Variants in DNM1 observed in about 807,000 individuals in gnomAD.
The protein encoded by DNM1 is dynamin 1, also known as dynamin-1.
Under a neutral mutation model 104.6 loss-of-function variants are expected in DNM1, and 29 were observed. The ratio of observed to expected loss-of-function variants is 0.28; its 90% CI spans 0.21 to 0.38. DNM1 has a LOEUF of 0.38. DNM1 is among the 10% of genes least tolerant of loss of function. DNM1 has a pLI of 1.00. For synonymous variants in DNM1, 445 were observed against 475.8 expected, an observed-to-expected ratio of 0.94 and a Z score of 0.84; for missense variants, 640 against 1,189.4, an observed-to-expected ratio of 0.54 and a Z score of 6.79.
At chr9:128,239,245 A>G (rs1022478602) in intron 11 of DNM1, among the ~76,000 whole-genome samples, 200 bp from the exon 12 acceptor site, 1 of 151,510 alleles carries the variant, frequency 6.6e-6, no homozygotes, top group East Asian at 1.9e-4. Flanking sequence ...CAATCCTCCC[A>G]CTTCCACCTC....
chr9:128,246,635 C>T, intron 16 of DNM1, 132 bp downstream of exon 16: 1 of 647,648 alleles, frequency 1.5e-6, no homozygotes, highest in Non-Finnish European at 2.8e-6. Flanking sequence ...CTGACAGATG[C>T]TTATTGAGTT....
chr9:128,210,272 C>T (rs1005608729), intron 1 of DNM1, among the ~76,000 whole-genome samples: 2 of 151,830 alleles, frequency 1.3e-5, no homozygotes, highest in Admixed American at 1.3e-4. Flanking sequence ...CCAGGGTGGC[C>T]TCAAACTCCT....
Position 128,224,237 on chromosome 9 carries a change from C to T in DNM1, c.1197-14C>T, listed in dbSNP as rs375876300. 79 of 1,611,844 alleles carry T rather than the reference C, an allele frequency of 4.9e-5. 1 individual carries two copies. The highest frequency in any genetic ancestry group is 6.4e-5 in the Non-Finnish European group (76 of 1,178,922). On this transcript the variant is annotated splice_polypyrimidine_tract_variant and intron_variant, in intron 9 of 21. Coordinates refer to ENST00000372923, the MANE Select transcript of DNM1 (RefSeq NM_004408.4). The surrounding 1 kb of genome is among the most constrained non-coding windows in gnomAD (Gnocchi z 4.3). Reference sequence around the variant, plus strand: ...CCTGTGACACTCTGCCCTTCTCCCGCTCCGGGCGTTCAGAACGGGGCTGTT... The same window carrying T: ...CCTGTGACACTCTGCCCTTCTCCCGTTCCGGGCGTTCAGAACGGGGCTGTT...
intron 10 of DNM1, chr9:128,226,001 C>G (rs1172437100): frequency 6.2e-7 from 1 of 1,608,866 alleles, no homozygotes; most frequent in East Asian, 2.2e-5. Flanking sequence ...CACGGCTGCT[C>G]CTCCTCCTGT....
intron 10 of DNM1, chr9:128,226,028 G>C: frequency 6.2e-7 from 1 of 1,612,222 alleles, no homozygotes; most frequent in East Asian, 2.2e-5. Context: ...CTCCTCCCCG[G>C]GTGCAGGACG....
At chr9:128,232,205 C>T (rs1008919073) in intron 10 of DNM1, 1 of 377,088 alleles carries the variant, frequency 2.7e-6, no homozygotes, top group Non-Finnish European at 5.3e-6. Context: ...CAAACTCTAC[C>T]CTGGGAGGGA....
rs1394121511 is a variant in DNM1, at chr9:128,220,922, TTTCTTTC to T, written c.849+584_849+590del. Among the ~76,000 whole-genome samples the T allele has an allele frequency of 6.9e-5, 10 of 145,668 alleles. No homozygotes were observed. Among genetic ancestry groups the T allele is most frequent in the South Asian group, 2.2e-4 (1 of 4,620 alleles). On this transcript the variant is annotated intron_variant, in intron 6 of 21. Transcript: ENST00000372923. The surrounding 1 kb of genome is among the most constrained non-coding windows in gnomAD (Gnocchi z 5.2). ...CTTTCTTTCTTTCTTTCTTTCTTTCTTTCTTTCTTTCTTTTCTTTTCTTTCTTTCTTT... is the reference window on the plus strand; with the variant it reads ...CTTTCTTTCTTTCTTTCTTTCTTTCTTTTCTTTTCTTTTCTTTCTTTCTTT...
At chr9:128,206,673 C>A (rs186226071) in intron 1 of DNM1, among the ~76,000 whole-genome samples, 4 of 151,922 alleles carry the variant, frequency 2.6e-5, no homozygotes, top group African/African-American at 9.7e-5. Context: ...GCAAAGGCCC[C>A]GGGGTAGCAA....
chr9:128,235,473 A>C (rs890911273), intron 11 of DNM1, among the ~76,000 whole-genome samples: 3 of 151,950 alleles, frequency 2.0e-5, no homozygotes, highest in African/African-American at 7.3e-5. Flanking sequence ...CAGCCTGGGC[A>C]ACAGAGTGAG....
At chr9:128,234,164 GCCTTCCACT>G (rs1340135778) in intron 11 of DNM1, 57 bp downstream of exon 11, 44 of 1,399,854 alleles carry the variant, frequency 3.1e-5, no homozygotes, top group Non-Finnish European at 4.0e-5. Flanking sequence ...GGCCGCCTGC[GCCTTCCACT>G]CCTGGCCCTG....
At chr9:128,230,456 A>AT (rs571899226) in intron 10 of DNM1, among the ~76,000 whole-genome samples, 6,706 of 140,934 alleles carry the variant, frequency 0.048, 481 homozygotes, top group African/African-American at 0.17. Context: ...TATTATTACT[A>AT]TTTTTTTTTT....
chr9:128,238,118 A>C (rs1443549451), intron 11 of DNM1, among the ~76,000 whole-genome samples: 1 of 151,990 alleles, frequency 6.6e-6, no homozygotes, highest in South Asian at 2.1e-4. Context: ...TTGCCCTCAG[A>C]GAAGGTGATA....
chr9:128,224,464 G>A lies in DNM1; in HGVS notation c.1335+75G>A. 6.9e-7 allele frequency: 1 copy of A among 1,453,492 alleles called. No homozygotes were observed. The highest frequency in any genetic ancestry group is 9.4e-7 in the Non-Finnish European group (1 of 1,063,694). 90.0% of individuals were successfully genotyped at this position (1,453,492 alleles called of 1,614,324 possible). On this transcript the variant is annotated intron_variant, in intron 10 of 21. Coordinates refer to ENST00000372923, the MANE Select transcript of DNM1 (RefSeq NM_004408.4). This position sits in a 1 kb window ranked among gnomAD's most constrained non-coding sequence, Gnocchi z 4.3. ...CTGCTGCCAGGCGCTCCTTCCCCAT[G>A]TCCCCCCCTGCCTCCTCGGTAGCAT... is the stretch of plus-strand genomic sequence containing the variant.
Position 128,219,581 on chromosome 9 carries a change from A to G in DNM1, c.589+329A>G, listed in dbSNP as rs571021085. Among the ~76,000 whole-genome samples the G allele has an allele frequency of 6.6e-5, 10 of 152,262 alleles. No individual in the cohort carries two copies. In the South Asian group the frequency reaches 2.1e-3, roughly 32 times the overall value. ...CTACTCGTGAGGCTGAGGCCAGAGAATCACTTGAGCCCAGGAGGTTGAGGC... is the reference window on the plus strand; with the variant it reads ...CTACTCGTGAGGCTGAGGCCAGAGAGTCACTTGAGCCCAGGAGGTTGAGGC... On this transcript the variant is annotated intron_variant, in intron 4 of 21. Transcript: ENST00000372923.
intron 11 of DNM1, among the ~76,000 whole-genome samples, chr9:128,235,192 C>T (rs1248643199): frequency 3.3e-5 from 5 of 152,090 alleles, no homozygotes; most frequent in Admixed American, 3.3e-4. Flanking sequence ...CGTATTGTAG[C>T]ATGTGTCAAA....
Position 128,220,157 on chromosome 9 carries a change from C to T in DNM1, c.689-24C>T, listed in dbSNP as rs1588356488. On this transcript the variant is annotated intron_variant, in intron 5 of 21. Transcript: ENST00000372923. This position sits in a 1 kb window ranked among gnomAD's most constrained non-coding sequence, Gnocchi z 5.2. Reference sequence around the variant, plus strand: ...CTTCCCCTCCTCTTGAGGCTGGTTGCCCTGACCTTGATACTGTTCACAGGC... The same window carrying T: ...CTTCCCCTCCTCTTGAGGCTGGTTGTCCTGACCTTGATACTGTTCACAGGC... 1.9e-6 allele frequency: 3 copies of T among 1,613,852 alleles called. No individual in the cohort carries two copies. In the Admixed American group the frequency reaches 5.0e-5, roughly 27 times the overall value.
At chr9:128,251,424 T>C (rs1417622130) in intron 21 of DNM1, 1 of 291,882 alleles carries the variant, frequency 3.4e-6, no homozygotes, top group Non-Finnish European at 6.8e-6. Flanking sequence ...CCTGACTCCT[T>C]TGAGCCATCC....
At position 128,247,249 on chromosome 9, in the gene DNM1, C is replaced by A. The variant is rs535220475; in HGVS notation, c.1782-126C>A. On this transcript the variant is annotated intron_variant, in intron 16 of 21. Coordinates refer to ENST00000372923, the MANE Select transcript of DNM1 (RefSeq NM_004408.4). This position sits in a 1 kb window ranked among gnomAD's most constrained non-coding sequence, Gnocchi z 5.1. ...TGAGGCTGAGAGGAAGGGACTTGCA[C>A]AGGGTCACACAGCTGGGAAATGAGC... 1.5e-5 allele frequency: 9 copies of A among 596,830 alleles called. No individual in the cohort carries two copies. In the African/African-American group the frequency reaches 1.6e-4, roughly 11 times the overall value. The allele number at this position is 596,830 out of a possible 1,614,324, so 37.0% of individuals were successfully genotyped here. A position where few individuals can be genotyped will look rare whatever the true frequency, so the allele number is the denominator to read the frequency against.
At chr9:128,252,723 C>T (rs1159094866) in intron 21 of DNM1, 3 of 522,160 alleles carry the variant, frequency 5.7e-6, no homozygotes, top group Non-Finnish European at 1.1e-5. Flanking sequence ...AGCCCTATCT[C>T]CATGAGCAGC....
Sources: gnomAD v4.1 joint callset for allele counts (sites outside exome capture counted in the v4.1 genomes callset) on GRCh38, gnomAD v4.1.1 for gene constraint, Gnocchi (gnomAD v3.1) non-coding constraint, MANE v1.5 for transcripts, NCBI Gene and HGNC (gene_info 2026-07-23, HGNC 2026-07-21) for gene names.